The following MED12L variants were observed in gnomAD, a reference collection of about 807,000 sequenced individuals.
MED12L encodes mediator complex subunit 12L, also known as mediator of RNA polymerase II transcription subunit 12-like protein.
Under a neutral mutation model 281.3 loss-of-function variants are expected in MED12L, and 60 were observed. The ratio of observed to expected loss-of-function variants is 0.21; its 90% CI spans 0.17 to 0.26. The LOEUF is 0.26. Among genes scored for constraint, MED12L ranks in the 10% least tolerant of loss-of-function variants. The pLI is 1.00. For missense variants in MED12L, 2,146 were observed against 2,680.9 expected, an observed-to-expected ratio of 0.80 and a Z score of 4.41; for synonymous variants, 974 against 987.2, an observed-to-expected ratio of 0.99 and a Z score of 0.25.
At chr3:151,151,054 T>G (rs1174150026) in intron 5 of MED12L, among the ~76,000 whole-genome samples, 2 of 133,596 alleles carry the variant, frequency 1.5e-5, no homozygotes, top group East Asian at 2.2e-4. Context: ...TTTTTTTTTT[T>G]GAGATAGAGT....
At position 151,378,023 on chromosome 3, in the gene MED12L, G is replaced by A. The variant is rs1281559445; in HGVS notation, c.4328G>A (p.Arg1443His). The change falls in exon 31 of 45, where the codon CGC becomes CAC. Residue 1443 changes from arginine (R) to histidine (H), a missense_variant. Physicochemically the swap from Arg to His is conservative, Grantham distance 29 (BLOSUM62 0). Coordinates refer to ENST00000687756, the MANE Select transcript of MED12L (RefSeq NM_001393769.1). Reference protein sequence around the residue: ...GIKTFLSSSERRGVWLVAPLI... With the variant: ...GIKTFLSSSEHRGVWLVAPLI... Reference sequence around the variant, plus strand: ...GTTTCTGATTTTAGTTCCTCCGAACGCAGGGGTGTATGGTTGGTGGCCCCC... The same window carrying A: ...GTTTCTGATTTTAGTTCCTCCGAACACAGGGGTGTATGGTTGGTGGCCCCC... 6.9e-6 allele frequency: 11 copies of A among 1,603,516 alleles called. No homozygotes were observed. The highest frequency in any genetic ancestry group is 9.4e-6 in the Non-Finnish European group (11 of 1,173,776).
intron 16 of MED12L, among the ~76,000 whole-genome samples, chr3:151,232,608 TA>T (rs553658835): frequency 5.9e-5 from 9 of 152,120 alleles, no homozygotes; most frequent in East Asian, 1.9e-4. Flanking sequence ...TATGCAGCCA[TA>T]AAAAAAGAAT....
chr3:151,172,639 T>C (rs1317996640), intron 11 of MED12L, among the ~76,000 whole-genome samples: 1 of 152,206 alleles, frequency 6.6e-6, no homozygotes, highest in Non-Finnish European at 1.5e-5. Flanking sequence ...GTAAAGGAAA[T>C]CATGTTCATT....
chr3:151,120,823 G>A (rs942639536), intron 3 of MED12L, among the ~76,000 whole-genome samples: 9 of 152,162 alleles, frequency 5.9e-5, no homozygotes, highest in African/African-American at 2.2e-4. Context: ...TTATAATCAT[G>A]TTTTGACCTT....
At chr3:151,089,155 A>G (rs1306460489) in intron 2 of MED12L, among the ~76,000 whole-genome samples, 2 of 152,192 alleles carry the variant, frequency 1.3e-5, no homozygotes, top group African/African-American at 2.4e-5. Context: ...GCAGTACTAC[A>G]CGTGGAGTCA....
At position 151,413,621 on chromosome 3, in the gene MED12L, A is replaced by G. The variant is rs537460053; in HGVS notation, c.6297+326A>G. ...CTCTGTTTAAGTAGGAGCCATGCAAATTTTTTAAAAGTGTCATAAATGTGA... is the reference window on the plus strand; with the variant it reads ...CTCTGTTTAAGTAGGAGCCATGCAAGTTTTTTAAAAGTGTCATAAATGTGA... On this transcript the variant is annotated intron_variant, in intron 42 of 44. Coordinates refer to ENST00000687756, the MANE Select transcript of MED12L (RefSeq NM_001393769.1). Among the ~76,000 whole-genome samples, 24 of 152,260 alleles carry G rather than the reference A, an allele frequency of 1.6e-4. No homozygotes were observed. In the South Asian group the frequency reaches 3.9e-3, roughly 25 times the overall value.
Position 151,432,921 on chromosome 3 carries a change from ATATTT to A in MED12L, c.*121_*125del. 2 of 741,708 alleles carry A rather than the reference ATATTT, an allele frequency of 2.7e-6. No individual in the cohort carries two copies. Among genetic ancestry groups the A allele is most frequent in the East Asian group, 5.8e-5 (2 of 34,410 alleles). The allele number at this position is 741,708 out of a possible 1,614,324, so 45.9% of individuals were successfully genotyped here. ...TTTTTCATTTCTTTGACATTTTACTATATTTTATGCTACATCTCACAAAAAAAAAA... is the reference window on the plus strand; with the variant it reads ...TTTTTCATTTCTTTGACATTTTACTATATGCTACATCTCACAAAAAAAAAA... On this transcript the variant is annotated 3_prime_UTR_variant, in exon 45 of 45. Transcript: ENST00000687756.
chr3:151,271,692 A>AAT (rs1740978866), intron 16 of MED12L, among the ~76,000 whole-genome samples: 1 of 152,224 alleles, frequency 6.6e-6, no homozygotes, highest in Non-Finnish European at 1.5e-5. Context: ...GCGGGCCCAC[A>AAT]ATATAGGTAA....
intron 37 of MED12L, among the ~76,000 whole-genome samples, chr3:151,389,319 C>G (rs983910719): frequency 6.6e-6 from 1 of 152,176 alleles, no homozygotes; most frequent in Non-Finnish European, 1.5e-5. Flanking sequence ...TCCTGAAGCT[C>G]CCTCTTTTCA....
intron 26 of MED12L, among the ~76,000 whole-genome samples, chr3:151,371,177 G>A (rs1424676960): frequency 6.6e-6 from 1 of 151,990 alleles, no homozygotes; most frequent in African/African-American, 2.4e-5. Flanking sequence ...CTTATTTGCA[G>A]AAGCTCTAAT....
chr3:151,346,205 A>G (rs1752516875), intron 16 of MED12L, among the ~76,000 whole-genome samples: 1 of 152,180 alleles, frequency 6.6e-6, no homozygotes, highest in East Asian at 1.9e-4. Context: ...TCAAGTAGAA[A>G]GATGTTCCTT....
At chr3:151,363,118 G>A (rs1480800519) in intron 21 of MED12L, among the ~76,000 whole-genome samples, 2 of 152,010 alleles carry the variant, frequency 1.3e-5, no homozygotes, top group Non-Finnish European at 2.9e-5. Context: ...TGGAAATTTA[G>A]GGTACCAGCA....
At chr3:151,400,508 T>A (rs1214434094) in intron 39 of MED12L, among the ~76,000 whole-genome samples, 2 of 152,142 alleles carry the variant, frequency 1.3e-5, no homozygotes, top group Non-Finnish European at 2.9e-5. Flanking sequence ...TAGCGACCAG[T>A]ACATGTAGCG....
chr3:151,119,951 G>A (rs1371296564), intron 3 of MED12L, among the ~76,000 whole-genome samples: 1 of 151,906 alleles, frequency 6.6e-6, no homozygotes, highest in Non-Finnish European at 1.5e-5. Flanking sequence ...GTGTGTGGTG[G>A]CTCACACCTG....
At chr3:151,399,977 C>A (rs1349970444) in intron 39 of MED12L, among the ~76,000 whole-genome samples, 2 of 152,180 alleles carry the variant, frequency 1.3e-5, no homozygotes, top group South Asian at 2.1e-4. Flanking sequence ...CAGGCATGCA[C>A]CACCCCGCCT....
intron 39 of MED12L, among the ~76,000 whole-genome samples, chr3:151,402,750 T>C (rs539564309): frequency 1.8e-4 from 27 of 152,320 alleles, no homozygotes; most frequent in African/African-American, 6.3e-4. Context: ...CAGTCTGTAG[T>C]GAGGATGTTT....
intron 40 of MED12L, 27 bp from the exon 41 acceptor site, chr3:151,411,251 G>T (rs761621797): frequency 3.1e-6 from 5 of 1,599,104 alleles, no homozygotes; most frequent in South Asian, 1.1e-5. Context: ...TTGAAACATT[G>T]ACTTCTTCCC....
intron 20 of MED12L, among the ~76,000 whole-genome samples, chr3:151,359,734 T>C (rs1754376092): frequency 6.6e-6 from 1 of 152,112 alleles, no homozygotes; most frequent in South Asian, 2.1e-4. Flanking sequence ...TGTGACTCCG[T>C]TAGTGTAATA....
chr3:151,338,393 GA>G (rs749374652), intron 16 of MED12L: 2 of 1,614,126 alleles, frequency 1.2e-6, no homozygotes, highest in Non-Finnish European at 1.7e-6. Context: ...GTAAGAACAT[GA>G]ATGCCCAGAT....
Sources: allele counts gnomAD v4.1 joint callset (sites outside exome capture counted in the v4.1 genomes callset), GRCh38; gene constraint gnomAD v4.1.1; transcripts MANE v1.5; gene names NCBI Gene and HGNC (gene_info 2026-07-23, HGNC 2026-07-21).